The following TBCA variants were observed in gnomAD, a reference collection of about 807,000 sequenced individuals.
TBCA encodes tubulin folding cofactor A, also known as tubulin-specific chaperone A.
TBCA carries 6 observed loss-of-function variants against 15.8 expected under a neutral mutation model. The ratio of observed to expected loss-of-function variants is 0.38; its 90% CI spans 0.21 to 0.75. The LOEUF is 0.75. Among genes scored for constraint, TBCA ranks in the 30% least tolerant of loss-of-function variants. The pLI, the probability that TBCA is intolerant of heterozygous loss-of-function variation, is 0.46. For missense variants in TBCA, 90 were observed against 131.2 expected (o/e 0.69, Z 1.53); for synonymous variants, 32 against 42.3 (o/e 0.76, Z 0.94).
chr5:77,710,402 A>G (rs1280769898), intron 1 of TBCA, among the ~76,000 whole-genome samples: 1 of 152,266 alleles, frequency 6.6e-6, no homozygotes, highest in Non-Finnish European at 1.5e-5. Context: ...GCATATCACA[A>G]AAGATATTTA....
intron 2 of TBCA, among the ~76,000 whole-genome samples, chr5:77,699,402 C>T (rs77983263): frequency 0.013 from 2,011 of 152,160 alleles, 15 homozygotes; most frequent in Non-Finnish European, 0.021. Flanking sequence ...TGTTAATGAA[C>T]CAGAAGAGAG....
chr5:77,765,004 T>A (rs2112512572), intron 1 of TBCA, among the ~76,000 whole-genome samples: 1 of 152,210 alleles, frequency 6.6e-6, no homozygotes. Context: ...AATATATTTG[T>A]TAATTTACTT....
chr5:77,728,890 T>C (rs1746692222), intron 1 of TBCA, among the ~76,000 whole-genome samples: 2 of 152,094 alleles, frequency 1.3e-5, no homozygotes, highest in Admixed American at 6.5e-5. Context: ...GCCAAGTTTC[T>C]AGTTCTCAGG....
intron 2 of TBCA, among the ~76,000 whole-genome samples, chr5:77,703,452 AT>A (rs1746072056): frequency 2.0e-5 from 3 of 152,360 alleles, no homozygotes; most frequent in Admixed American, 2.0e-4. Flanking sequence ...AATTTGGGCA[AT>A]ATTTGAATGA....
intron 1 of TBCA, among the ~76,000 whole-genome samples, chr5:77,763,549 G>A (rs368493211): frequency 7.9e-4 from 121 of 152,240 alleles, no homozygotes; most frequent in African/African-American, 2.8e-3. Flanking sequence ...TAGGAGATGG[G>A]GTCTTTGGAA....
intron 1 of TBCA, among the ~76,000 whole-genome samples, chr5:77,755,849 A>G (rs1312454526): frequency 2.0e-5 from 3 of 151,608 alleles, no homozygotes; most frequent in African/African-American, 7.3e-5. Context: ...TACTAAGAAT[A>G]CAAAATTAGC....
intron 2 of TBCA, among the ~76,000 whole-genome samples, chr5:77,703,525 T>C (rs1009491662): frequency 6.6e-6 from 1 of 152,184 alleles, no homozygotes; most frequent in Non-Finnish European, 1.5e-5. Flanking sequence ...TTGACTGATA[T>C]TCTAGCCTCC....
chr5:77,749,728 T>G (rs1354228834), intron 1 of TBCA, among the ~76,000 whole-genome samples: 1 of 152,208 alleles, frequency 6.6e-6, no homozygotes, highest in Non-Finnish European at 1.5e-5. Context: ...ATTCTACAGA[T>G]AAATCTGCCA....
intron 1 of TBCA, among the ~76,000 whole-genome samples, chr5:77,730,081 G>A (rs1212524321): frequency 1.3e-5 from 2 of 152,156 alleles, no homozygotes; most frequent in East Asian, 1.9e-4. Context: ...TGGATATTCT[G>A]AAAGACTCTA....
At chr5:77,720,483 G>A (rs1474157874) in intron 1 of TBCA, among the ~76,000 whole-genome samples, 1 of 152,174 alleles carries the variant, frequency 6.6e-6, no homozygotes, top group African/African-American at 2.4e-5. Flanking sequence ...GGAGGCCGAG[G>A]TGGGTGGATC....
At chr5:77,771,820 A>G (rs1747921669) in intron 1 of TBCA, among the ~76,000 whole-genome samples, 1 of 152,214 alleles carries the variant, frequency 6.6e-6, no homozygotes, top group African/African-American at 2.4e-5. Context: ...ATCAGAAACT[A>G]AATTAATCCA....
At position 77,746,448 on chromosome 5, in the gene TBCA, G is replaced by A. The variant is rs571319806; in HGVS notation, c.53+29757C>T. Among the ~76,000 whole-genome samples the A allele has an allele frequency of 7.2e-5, 11 of 152,192 alleles. No individual in the cohort carries two copies. In the East Asian group the frequency reaches 2.1e-3, roughly 29 times the overall value. Reference sequence around the variant, plus strand: ...AAGTATTCTGGGATAAGGGAAGATTGTCATACTATGCACTTGATCTTAATC... The same window carrying A: ...AAGTATTCTGGGATAAGGGAAGATTATCATACTATGCACTTGATCTTAATC... On this transcript the variant is annotated intron_variant, in intron 1 of 3. Coordinates refer to ENST00000380377, the MANE Select transcript of TBCA (RefSeq NM_004607.3).
rs58679612 is a variant in TBCA, at chr5:77,701,682, C to CATATATATATAT, written c.159+6548_159+6559dup. 5.5e-4 allele frequency among the ~76,000 whole-genome samples: 28 copies of CATATATATATAT among 50,962 alleles called. 1 individual carries two copies. The highest frequency in any genetic ancestry group is 1.1e-3 in the Admixed American group (4 of 3,804). 33.4% of individuals were successfully genotyped at this position (50,962 alleles called of 152,430 possible). On this transcript the variant is annotated intron_variant, in intron 2 of 3. Transcript: ENST00000380377. ...CAACAAGTGGATAAACTGTGGCATG[C>CATATATATATAT]ATATATATATATATATATATATATA...
At chr5:77,763,620 C>G (rs1332421614) in intron 1 of TBCA, among the ~76,000 whole-genome samples, 1 of 152,168 alleles carries the variant, frequency 6.6e-6, no homozygotes, top group Non-Finnish European at 1.5e-5. Context: ...GTAAAAGAGA[C>G]CTCAGAGAGC....
chr5:77,699,166 C>G lies in TBCA; in HGVS notation c.160-5814G>C, dbSNP rs569865896. ...ATAAATTAGAAAGACTTACCATATC[C>G]ATTAACTGGGACATCAATTTGCCCC... On this transcript the variant is annotated intron_variant, in intron 2 of 3. Transcript: ENST00000380377. 9.9e-5 allele frequency among the ~76,000 whole-genome samples: 15 copies of G among 151,582 alleles called. No homozygotes were observed. In the East Asian group the frequency reaches 2.9e-3, roughly 29 times the overall value.
intron 1 of TBCA, among the ~76,000 whole-genome samples, chr5:77,757,214 A>G (rs987994984): frequency 6.6e-6 from 1 of 152,184 alleles, no homozygotes; most frequent in Non-Finnish European, 1.5e-5. Context: ...ATCCAACAAT[A>G]TGATTACAGA....
rs70991303 is a variant in TBCA at position 77,693,799 on chromosome 5, CAAAAAAAA to C, written c.160-455_160-448del. 5.1e-5 allele frequency among the ~76,000 whole-genome samples: 4 copies of C among 77,936 alleles called. No homozygotes were observed. The East Asian group carries it at 9.0e-4, about 18-fold the overall frequency. 51.1% of individuals were successfully genotyped at this position (77,936 alleles called of 152,430 possible). A position where few individuals can be genotyped will look rare whatever the true frequency, so the allele number is the denominator to read the frequency against. ...GGGCAACAAGAGTGAAACTCCATCT[CAAAAAAAA>C]AAAAAAAAAAAAAAAAGTTAGAAAA... On this transcript the variant is annotated intron_variant, in intron 2 of 3. Coordinates refer to ENST00000380377, the MANE Select transcript of TBCA (RefSeq NM_004607.3).
At chr5:77,771,984 G>C (rs548944950) in intron 1 of TBCA, among the ~76,000 whole-genome samples, 3 of 151,746 alleles carry the variant, frequency 2.0e-5, no homozygotes, top group East Asian at 3.9e-4. Flanking sequence ...TGTGACTTCC[G>C]AAGATAAATG....
intron 1 of TBCA, among the ~76,000 whole-genome samples, chr5:77,763,813 C>A (rs1747709526): frequency 1.3e-5 from 2 of 152,288 alleles, no homozygotes; most frequent in South Asian, 4.1e-4. Flanking sequence ...GTTGTTAGGG[C>A]AGCTTGAACT....
Sources: gnomAD v4.1 joint callset for allele counts (sites outside exome capture counted in the v4.1 genomes callset) on GRCh38, gnomAD v4.1.1 for gene constraint, MANE v1.5 for transcripts, NCBI Gene and HGNC (gene_info 2026-07-23, HGNC 2026-07-21) for gene names.